EYS: variants seen among roughly 807,000 people sequenced by gnomAD.
EYS encodes the protein protein eyes shut homolog.
A neutral mutation model predicts 282.1 loss-of-function variants in EYS; 250 were observed. That is an observed-to-expected ratio of 0.89 (90% CI 0.80 to 0.98). The LOEUF (loss-of-function observed/expected upper bound fraction) is 0.98, where lower values mean the gene tolerates loss of function less well. EYS is among the 50% of genes least tolerant of loss of function. EYS has a pLI of 0.00. For missense variants in EYS, 4,016 were observed against 3,709.0 expected (o/e 1.08, Z -2.15); for synonymous variants, 1,355 against 1,282.9 (o/e 1.06, Z -1.20).
At chr6:64,878,633 T>A (rs551996712) in intron 19 of EYS, among the ~76,000 whole-genome samples, 1 of 151,974 alleles carries the variant, frequency 6.6e-6, no homozygotes, top group African/African-American at 2.4e-5. Flanking sequence ...CCCCCACTCA[T>A]AATTTTTCTC....
intron 12 of EYS, among the ~76,000 whole-genome samples, chr6:65,242,084 T>C (rs1767070960): frequency 6.6e-6 from 1 of 152,112 alleles, no homozygotes; most frequent in South Asian, 2.1e-4. Flanking sequence ...CATTACACTA[T>C]TAAAAAATAG....
At chr6:63,736,056 T>C (rs770169073) in intron 41 of EYS, among the ~76,000 whole-genome samples, 12 of 152,174 alleles carry the variant, frequency 7.9e-5, no homozygotes, top group Non-Finnish European at 1.6e-4. Context: ...GGAGCAATAT[T>C]TGGATTTGCC....
intron 31 of EYS, among the ~76,000 whole-genome samples, chr6:64,092,455 G>A (rs1423126697): frequency 6.6e-6 from 1 of 151,430 alleles, no homozygotes; most frequent in Non-Finnish European, 1.5e-5. Flanking sequence ...TAACTGGTGT[G>A]AGATGGTATC....
At chr6:65,513,767 A>G (rs1329882076) in intron 2 of EYS, among the ~76,000 whole-genome samples, 8 of 151,904 alleles carry the variant, frequency 5.3e-5, no homozygotes, top group Non-Finnish European at 1.2e-4. Flanking sequence ...CTCTCAATAA[A>G]TTAGGTATTG....
chr6:65,325,763 T>C (rs1316431731), intron 11 of EYS, among the ~76,000 whole-genome samples: 6 of 152,048 alleles, frequency 3.9e-5, no homozygotes, highest in Non-Finnish European at 7.4e-5. Context: ...AGCCTCTAAT[T>C]AGTGTCGAGA....
chr6:65,158,129 T>C (rs1481467468), intron 12 of EYS, among the ~76,000 whole-genome samples: 2 of 150,924 alleles, frequency 1.3e-5, no homozygotes, highest in Non-Finnish European at 3.0e-5. Flanking sequence ...ATTCTCATTC[T>C]GTAGTATTTA....
chr6:64,168,369 G>A lies in EYS; in HGVS notation c.6424+62223C>T, dbSNP rs750334302. ...TTATTGAATGCACAATGGTGCAGTC[G>A]TTTTGGAAAACAGCTGGGCAAATTC... On this transcript the variant is annotated intron_variant, in intron 31 of 42. Transcript: ENST00000503581. Among the ~76,000 whole-genome samples the A allele has an allele frequency of 8.5e-5, 13 of 152,298 alleles. No individual in the cohort carries two copies. The East Asian group carries it at 1.7e-3, about 20-fold the overall frequency.
intron 19 of EYS, among the ~76,000 whole-genome samples, chr6:64,860,435 G>A (rs1434022901): frequency 2.6e-5 from 4 of 152,242 alleles, no homozygotes; most frequent in Non-Finnish European, 4.4e-5. Flanking sequence ...CACTGGCTGT[G>A]GCAGGGCTGG....
intron 22 of EYS, among the ~76,000 whole-genome samples, chr6:64,753,606 C>T (rs1254712961): frequency 1.3e-5 from 2 of 150,496 alleles, no homozygotes; most frequent in African/African-American, 4.9e-5. Flanking sequence ...ACCAGAGCAC[C>T]CAGATTCATA....
At chr6:65,466,840 T>TA (rs1284929295) in intron 5 of EYS, among the ~76,000 whole-genome samples, 1 of 152,188 alleles carries the variant, frequency 6.6e-6, no homozygotes, top group Non-Finnish European at 1.5e-5. Context: ...GAGAGAGACT[T>TA]ACTTGTCCAA....
intron 12 of EYS, among the ~76,000 whole-genome samples, chr6:65,251,435 T>C (rs1213962170): frequency 2.7e-5 from 4 of 147,338 alleles, no homozygotes; most frequent in Non-Finnish European, 6.0e-5. Flanking sequence ...GAAGATGTTA[T>C]AAGTTCCTAG....
At chr6:64,454,245 T>C (rs111967528) in intron 26 of EYS, among the ~76,000 whole-genome samples, 70 of 152,270 alleles carry the variant, frequency 4.6e-4, no homozygotes, top group African/African-American at 1.5e-3. Context: ...ATTTGACAGA[T>C]TGTCAACCCT....
intron 19 of EYS, among the ~76,000 whole-genome samples, chr6:64,879,461 C>T (rs9360098): frequency 0.15 from 23,490 of 151,830 alleles, 2,129 homozygotes; most frequent in East Asian, 0.49. Flanking sequence ...AAAAGAAATT[C>T]TGAAACACTG....
intron 33 of EYS, among the ~76,000 whole-genome samples, chr6:64,043,883 C>G (rs1338753633): frequency 6.6e-6 from 1 of 152,126 alleles, no homozygotes; most frequent in African/African-American, 2.4e-5. Context: ...TTTAATATGC[C>G]ACCATTACTG....
chr6:64,373,133 ACT>A (rs1772438356), intron 29 of EYS, among the ~76,000 whole-genome samples: 1 of 151,950 alleles, frequency 6.6e-6, no homozygotes, highest in African/African-American at 2.4e-5. Flanking sequence ...GTAAGAAGAC[ACT>A]CTGGCTTTTT....
chr6:65,004,858 A>T (rs1341691192), intron 13 of EYS, among the ~76,000 whole-genome samples: 2 of 147,830 alleles, frequency 1.4e-5, no homozygotes, highest in African/African-American at 4.9e-5. Context: ...TCTATGCTTC[A>T]TCTAACAAAG....
intron 30 of EYS, among the ~76,000 whole-genome samples, chr6:64,239,481 A>C (rs1376609920): frequency 6.6e-6 from 1 of 151,940 alleles, no homozygotes; most frequent in Non-Finnish European, 1.5e-5. Context: ...TTGTGGTTTG[A>C]TTTGCATTTC....
chr6:65,705,015 A>AT (rs1051521661), intron 1 of EYS, among the ~76,000 whole-genome samples: 5 of 152,056 alleles, frequency 3.3e-5, no homozygotes, highest in African/African-American at 4.8e-5. Context: ...TTAAAATGGT[A>AT]TTTTTTTCAC....
chr6:64,548,690 A>AG lies in EYS; in HGVS notation c.5644+41532dup, dbSNP rs1314943270. ...CTGGGGCCTGTTGTGGGGTGTGGGG[A>AG]GGGGGGAGGAGTAGCATTAGGAGAT... On this transcript the variant is annotated intron_variant, in intron 26 of 42. Coordinates refer to ENST00000503581, the MANE Select transcript of EYS (RefSeq NM_001142800.2). 2.0e-5 allele frequency among the ~76,000 whole-genome samples: 3 copies of AG among 151,042 alleles called. No homozygotes were observed. The East Asian group carries it at 5.9e-4, about 30-fold the overall frequency.
Sources: allele counts gnomAD v4.1 joint callset (sites outside exome capture counted in the v4.1 genomes callset), GRCh38; gene constraint gnomAD v4.1.1; transcripts MANE v1.5; gene names NCBI Gene and HGNC (gene_info 2026-07-23, HGNC 2026-07-21).